The following ENO1 variants were observed in gnomAD, a reference collection of about 807,000 sequenced individuals.
ENO1 encodes the protein alpha-enolase.
A neutral mutation model predicts 46.3 loss-of-function variants in ENO1; 33 were observed. The observed-to-expected ratio is 0.71, with a 90% CI of 0.54 to 0.95. The LOEUF (loss-of-function observed/expected upper bound fraction) is 0.95. Among genes scored for constraint, ENO1 ranks in the 40% least tolerant of loss-of-function variants. The pLI is 0.00. For synonymous variants in ENO1, 220 were observed against 216.0 expected, an observed-to-expected ratio of 1.02 and a Z score of -0.16; for missense variants, 488 against 553.3, an observed-to-expected ratio of 0.88 and a Z score of 1.18.
Position 8,864,005 on chromosome 1 carries a change from T to C in ENO1, c.953A>G (p.Asp318Gly), listed in dbSNP as rs1425995514. The change falls in exon 9 of 12, where the codon GAT becomes GGT. Residue 318 changes from aspartate to glycine, a missense_variant. Transcript: ENST00000234590. The stretch of plus-strand genomic sequence containing the variant: ...CTTTGGGTTGGTCACTGTGAGATCA[T>C]CCCCCACTACCTGGATTCCTGCACT... ...TASAGIQVVG[D>G]DLTVTNPKRI... 6.2e-7 allele frequency: 1 copy of C among 1,614,038 alleles called. No individual in the cohort carries two copies. The highest frequency in any genetic ancestry group is 1.7e-5 in the Admixed American group (1 of 60,004).
rs17032789 is a variant in ENO1, at chr1:8,870,693, C to T, written c.182-183G>A. ...GACTTTCCGGCCCAGTCTGAGTGCT[C>T]CTACCTAGGACCCCAGAGGGTTAGA... On this transcript the variant is annotated intron_variant, in intron 3 of 11. Transcript: ENST00000234590. 4,161 of 1,463,626 alleles carry T rather than the reference C, an allele frequency of 2.8e-3. 113 individuals are homozygous for T. In the African/African-American group the frequency reaches 0.053, roughly 19 times the overall value. The allele number at this position is 1,463,626 out of a possible 1,614,324, so 90.7% of individuals were successfully genotyped here. A position where few individuals can be genotyped will look rare whatever the true frequency, so the allele number is the denominator to read the frequency against.
intron 11 of ENO1, among the ~76,000 whole-genome samples, chr1:8,861,901 A>AC (rs33974725): frequency 1.3e-5 from 2 of 150,108 alleles, no homozygotes; most frequent in Non-Finnish European, 3.0e-5. Flanking sequence ...AAAAAAAAAA[A>AC]GGCCAACACA....
rs1290612318 is a variant in ENO1, at chr1:8,863,917, A to C, written c.1041T>G (p.Ile347Met). The C allele has an allele frequency of 1.5e-5, 25 of 1,613,830 alleles. No individual in the cohort carries two copies. Among genetic ancestry groups the C allele is most frequent in the Non-Finnish European group, 2.1e-5 (25 of 1,179,936 alleles). Residue 347 changes from isoleucine (I) to methionine (M), a missense_variant, in exon 9 of 12, where the codon ATT becomes ATG. By Grantham distance (10) the Ile-to-Met change is conservative (BLOSUM62 1). Transcript: ENST00000234590. ...CNCLLLKVNQ[I>M]GSVTESLQAC... ...CCTGAAGAGACTCGGTCACGGAGCC[A>C]ATCTGGTTGACTTTGAGCAGGAGGC...
Position 8,870,475 on chromosome 1 carries a change from T to C in ENO1, c.217A>G (p.Ile73Val), listed in dbSNP as rs914039866. Residue 73 changes from isoleucine (I) to valine (V), a missense_variant, in exon 4 of 12, where the codon ATT (isoleucine) becomes GTT (valine). By Grantham distance (29) the Ile-to-Val change is conservative. Coordinates refer to ENST00000234590, the MANE Select transcript of ENO1 (RefSeq NM_001428.5). The part of the protein sequence containing the change: ...SKAVEHINKT[I>V]APALVSKKLN... Reference sequence around the variant, plus strand: ...ACCTTGCTAACCAGGGCAGGCGCAATAGTTTTATTGATGTGCTCAACAGCC... The same window carrying C: ...ACCTTGCTAACCAGGGCAGGCGCAACAGTTTTATTGATGTGCTCAACAGCC... 2 of 1,614,048 alleles carry C rather than the reference T, an allele frequency of 1.2e-6. No individual in the cohort carries two copies. Among genetic ancestry groups the C allele is most frequent in the Non-Finnish European group, 1.7e-6 (2 of 1,180,042 alleles).
chr1:8,870,884 C>G, intron 3 of ENO1: 1 of 1,261,448 alleles, frequency 7.9e-7, no homozygotes, highest in Non-Finnish European at 1.0e-6. Flanking sequence ...CTGGAGACGC[C>G]TGCCCAGCAG....
At chr1:8,870,576 G>C in intron 3 of ENO1, 66 bp from the exon 4 acceptor site, 2 of 1,608,102 alleles carry the variant, frequency 1.2e-6, no homozygotes, top group Non-Finnish European at 8.5e-7. Context: ...AGCATTGTTA[G>C]AGAGAACCAC....
intron 1 of ENO1, 139 bp downstream of exon 1, chr1:8,878,441 G>A (rs1642782930): frequency 5.8e-6 from 2 of 343,286 alleles, no homozygotes. Flanking sequence ...TCCCACCCAG[G>A]GAGGCGGCTT....
intron 7 of ENO1, among the ~76,000 whole-genome samples, chr1:8,865,709 G>C (rs1198340031): frequency 6.6e-6 from 1 of 152,202 alleles, no homozygotes; most frequent in Admixed American, 6.5e-5. Context: ...CAAGAAAGCA[G>C]CCCTTCTCAC....
At position 8,863,767 on chromosome 1, in the gene ENO1, T is replaced by G. The variant is rs1642453107; in HGVS notation, c.1067+124A>C. 5.3e-6 allele frequency: 6 copies of G among 1,135,962 alleles called. No homozygotes were observed. In the Admixed American group the frequency reaches 1.1e-4, roughly 21 times the overall value. The allele number at this position is 1,135,962 out of a possible 1,614,324, so 70.4% of individuals were successfully genotyped here. On this transcript the variant is annotated intron_variant, in intron 9 of 11. Transcript: ENST00000234590. ...GGCTCCTGAGTTCAAACACAAAACC[T>G]GTTAAAATTCCAGCGAGTCCTACAT...
intron 7 of ENO1, chr1:8,865,898 C>T (rs1557580567): frequency 2.1e-5 from 7 of 327,812 alleles, no homozygotes; most frequent in African/African-American, 8.7e-5. Flanking sequence ...CAGGCTGTGC[C>T]GTTGAGAGCT....
chr1:8,870,116 T>C (rs570565351), intron 4 of ENO1: 2 of 284,240 alleles, frequency 7.0e-6, no homozygotes, highest in Non-Finnish European at 1.3e-5. Flanking sequence ...TCATGAGAAA[T>C]TAGTCACCAT....
At chr1:8,871,676 G>T (rs1264126754) in intron 3 of ENO1, 1 of 1,347,820 alleles carries the variant, frequency 7.4e-7, no homozygotes, top group East Asian at 2.7e-5. Context: ...TGGAACTCTC[G>T]ACCCAGAGCA....
rs764859285 is a variant in ENO1 at position 8,871,924 on chromosome 1, G to A, written c.148C>T (p.Arg50Trp). The change falls in exon 3 of 12, where the codon CGG (arginine) becomes TGG (tryptophan). Residue 50 changes from arginine to tryptophan, a missense_variant. Arg to Trp is a moderately radical substitution (Grantham distance 101, BLOSUM62 -3). Coordinates refer to ENST00000234590, the MANE Select transcript of ENO1 (RefSeq NM_001428.5). ...STGIYEALELRDNDKTRYMGK... is the reference protein window; with the variant it reads ...STGIYEALELWDNDKTRYMGK... ...ATATAGCGAGTCTTATCATTGTCCC[G>A]GAGCTCTAGGGCCTCATAGATACCA... 5 of 1,614,004 alleles carry A rather than the reference G, an allele frequency of 3.1e-6. No homozygotes were observed. The highest frequency in any genetic ancestry group is 4.5e-5 in the East Asian group (2 of 44,898).
intron 3 of ENO1, 36 bp from the exon 4 acceptor site, chr1:8,870,546 A>G (rs1366338712): frequency 1.1e-5 from 18 of 1,613,686 alleles, no homozygotes; most frequent in Non-Finnish European, 1.5e-5. Context: ...ACTGACATTA[A>G]CTTTAAAACA....
At chr1:8,874,577 C>CAAAAAAAAAAAAAAAAAAAAAAAAAAA (rs140269736) in intron 2 of ENO1, among the ~76,000 whole-genome samples, 3 of 51,592 alleles carry the variant, frequency 5.8e-5, no homozygotes, top group African/African-American at 7.1e-5. Context: ...GACTCCATCT[C>CAAAAAAAAAAAAAAAAAAAAAAAAAAA]AAAAAAAAAA....
At chr1:8,871,060 C>A (rs1232399781) in intron 3 of ENO1, 1 of 1,229,384 alleles carries the variant, frequency 8.1e-7, no homozygotes, top group Non-Finnish European at 1.0e-6. Flanking sequence ...CATCAAGGCA[C>A]AGCATCATCC....
intron 2 of ENO1, among the ~76,000 whole-genome samples, chr1:8,873,183 G>A (rs6660137): frequency 0.85 from 130,067 of 152,188 alleles, 55,886 homozygotes; most frequent in East Asian, 0.94. Context: ...TTTTGGTGAT[G>A]ATAACGTGTT....
In ENO1 at chr1:8,868,657, C is replaced by T. The variant is rs113997384; in HGVS notation, c.241-600G>A. ...GTACTGAGAACTGGCTCAAAGTAAT[C>T]CAATAAAAATCAGTATTACTTTTTA... is the stretch of plus-strand genomic sequence containing the variant. On this transcript the variant is annotated intron_variant, in intron 4 of 11. Coordinates refer to ENST00000234590, the MANE Select transcript of ENO1 (RefSeq NM_001428.5). Among the ~76,000 whole-genome samples, 352 of 152,254 alleles carry T rather than the reference C, an allele frequency of 2.3e-3. 1 individual carries two copies. Among genetic ancestry groups the T allele is most frequent in the African/African-American group, 8.1e-3 (336 of 41,546 alleles).
rs1642489030 is a variant in ENO1 at position 8,865,386 on chromosome 1, C to G, written c.764G>C (p.Gly255Ala). ...DVAASEFFRS[G>A]KYDLDFKSPD... ...AGACTTGAAGTCCAGGTCATACTTC[C>G]CAGACCTGAAGAACTCGGAGGCCGC... is the stretch of plus-strand genomic sequence containing the variant. The change falls in exon 8 of 12, where the codon GGG becomes GCG. Residue 255 changes from glycine (G) to alanine (A), a missense_variant. Gly to Ala is a moderately conservative substitution (Grantham distance 60). Coordinates refer to ENST00000234590, the MANE Select transcript of ENO1 (RefSeq NM_001428.5). 1 of 1,614,188 alleles carries G rather than the reference C, an allele frequency of 6.2e-7. No individual in the cohort carries two copies.
Sources: gnomAD v4.1 joint callset for allele counts (sites outside exome capture counted in the v4.1 genomes callset) on GRCh38, gnomAD v4.1.1 for gene constraint, MANE v1.5 for transcripts, NCBI Gene and HGNC (gene_info 2026-07-23, HGNC 2026-07-21) for gene names.